The following NKAIN2 variants were observed in gnomAD, a reference collection of about 807,000 sequenced individuals.
The protein encoded by NKAIN2 is sodium/potassium-transporting ATPase subunit beta-1-interacting protein 2.
A neutral mutation model predicts 32.6 loss-of-function variants in NKAIN2; 14 were observed. The observed-to-expected ratio is 0.43, with a 90% confidence interval of 0.28 to 0.67. NKAIN2 has a LOEUF of 0.67. Ranked by LOEUF, NKAIN2 falls within the 30% of genes least tolerant of loss-of-function variation. The pLI is 0.17. For missense variants in NKAIN2, 198 were observed against 258.3 expected (o/e 0.77, Z 1.60); for synonymous variants, 80 against 87.2 (o/e 0.92, Z 0.46).
chr6:124,559,271 T>C lies in NKAIN2; in HGVS notation c.274-98915T>C, dbSNP rs147065825. ...ATATAAAATCCTGTGCAGAATAGAA[T>C]AGATAATGGCCAATATAATAAGTGA... On this transcript the variant is annotated intron_variant, in intron 3 of 6. Coordinates refer to ENST00000368417, the MANE Select transcript of NKAIN2 (RefSeq NM_001040214.3). Among the ~76,000 whole-genome samples, 94 of 152,208 alleles carry C rather than the reference T, an allele frequency of 6.2e-4. 1 individual carries two copies. Among genetic ancestry groups the C allele is most frequent in the African/African-American group, 2.2e-3 (92 of 41,538 alleles).
intron 1 of NKAIN2, among the ~76,000 whole-genome samples, chr6:124,135,109 A>G (rs1183842109): frequency 3.3e-5 from 5 of 152,184 alleles, no homozygotes; most frequent in Non-Finnish European, 7.4e-5. Context: ...CAGCCTAACA[A>G]GAAATGCCAA....
At chr6:124,721,680 C>T (rs1776027148) in intron 4 of NKAIN2, among the ~76,000 whole-genome samples, 1 of 152,056 alleles carries the variant, frequency 6.6e-6, no homozygotes. Context: ...CTTTGTCCAC[C>T]TTCAAACTGC....
intron 1 of NKAIN2, among the ~76,000 whole-genome samples, chr6:124,183,670 G>A (rs1182580897): frequency 1.3e-5 from 2 of 151,990 alleles, no homozygotes; most frequent in Non-Finnish European, 2.9e-5. Flanking sequence ...GTTTTCAAGG[G>A]TACATTTTAT....
chr6:124,209,646 A>G (rs802237), intron 1 of NKAIN2, among the ~76,000 whole-genome samples: 105,619 of 151,590 alleles, frequency 0.7, 37,029 homozygotes, highest in South Asian at 0.76. Context: ...GACAAAACCT[A>G]TTTTAACAAT....
At chr6:123,899,598 G>C (rs1301750439) in intron 1 of NKAIN2, among the ~76,000 whole-genome samples, 3 of 152,136 alleles carry the variant, frequency 2.0e-5, no homozygotes, top group Non-Finnish European at 4.4e-5. Flanking sequence ...ACTGGTAAAT[G>C]GAAGGAAAAA....
At chr6:124,349,322 G>A (rs1336487172) in intron 2 of NKAIN2, among the ~76,000 whole-genome samples, 2 of 152,038 alleles carry the variant, frequency 1.3e-5, no homozygotes, top group Non-Finnish European at 2.9e-5. Context: ...ACTTCCCGAG[G>A]CTCCACCCCA....
chr6:124,162,661 A>G (rs933335918), intron 1 of NKAIN2, among the ~76,000 whole-genome samples: 1 of 152,126 alleles, frequency 6.6e-6, no homozygotes, highest in Admixed American at 6.6e-5. Context: ...TCAAACTGCC[A>G]TAAGACAGGT....
At chr6:124,311,187 T>C (rs1562484449) in intron 2 of NKAIN2, among the ~76,000 whole-genome samples, 1 of 152,142 alleles carries the variant, frequency 6.6e-6, no homozygotes, top group Admixed American at 6.6e-5. Context: ...ACACTTCCAC[T>C]GTGACCCCCA....
Position 124,590,248 on chromosome 6 carries a change from G to A in NKAIN2, c.274-67938G>A, listed in dbSNP as rs73772163. 2.3e-3 allele frequency among the ~76,000 whole-genome samples: 350 copies of A among 152,306 alleles called. 1 individual carries two copies. Among genetic ancestry groups the A allele is most frequent in the African/African-American group, 8.0e-3 (332 of 41,568 alleles). ...GCAACAACTGCTACTGTGCTCAGAG[G>A]TGGTGCCTCACATCTAGTGTCAGGT... On this transcript the variant is annotated intron_variant, in intron 3 of 6. Coordinates refer to ENST00000368417, the MANE Select transcript of NKAIN2 (RefSeq NM_001040214.3).
chr6:124,685,786 A>G (rs1773844204), intron 4 of NKAIN2, among the ~76,000 whole-genome samples: 1 of 152,216 alleles, frequency 6.6e-6, no homozygotes, highest in South Asian at 2.1e-4. Flanking sequence ...TCACTAGGCT[A>G]GAAACTTCTT....
At chr6:124,055,674 T>C (rs1782609801) in intron 1 of NKAIN2, among the ~76,000 whole-genome samples, 1 of 152,024 alleles carries the variant, frequency 6.6e-6, no homozygotes, top group South Asian at 2.1e-4. Context: ...AGTTCATCAC[T>C]GTGACCTTCA....
At chr6:124,140,601 A>G (rs1195492511) in intron 1 of NKAIN2, among the ~76,000 whole-genome samples, 1 of 152,172 alleles carries the variant, frequency 6.6e-6, no homozygotes, top group Non-Finnish European at 1.5e-5. Flanking sequence ...ACTAGAGGGC[A>G]TGTAGGGCTA....
intron 1 of NKAIN2, among the ~76,000 whole-genome samples, chr6:124,219,811 C>T (rs1791713640): frequency 6.6e-6 from 1 of 151,918 alleles, no homozygotes; most frequent in South Asian, 2.1e-4. Context: ...TGGTTTATTC[C>T]TATATCCTTA....
At chr6:124,518,718 T>C (rs1779016012) in intron 3 of NKAIN2, among the ~76,000 whole-genome samples, 1 of 152,190 alleles carries the variant, frequency 6.6e-6, no homozygotes, top group African/African-American at 2.4e-5. Context: ...CCAAACTCTA[T>C]CAACAAGTTA....
intron 3 of NKAIN2, among the ~76,000 whole-genome samples, chr6:124,485,554 T>C (rs141262684): frequency 1.3e-5 from 2 of 152,136 alleles, no homozygotes; most frequent in Admixed American, 1.3e-4. Context: ...ATATAAAATA[T>C]AACATGCGTC....
chr6:124,289,157 A>T (rs1482599790), intron 2 of NKAIN2, among the ~76,000 whole-genome samples: 4 of 152,198 alleles, frequency 2.6e-5, no homozygotes, highest in African/African-American at 9.7e-5. Flanking sequence ...ATAAAAAAGT[A>T]AATATTTCTT....
intron 1 of NKAIN2, among the ~76,000 whole-genome samples, chr6:124,243,856 C>A (rs1793241855): frequency 6.6e-6 from 1 of 152,030 alleles, no homozygotes; most frequent in South Asian, 2.1e-4. Flanking sequence ...ATATTACAAT[C>A]ACATGTCAAA....
chr6:124,165,614 C>A (rs1323070424), intron 1 of NKAIN2, among the ~76,000 whole-genome samples: 2 of 150,500 alleles, frequency 1.3e-5, no homozygotes, highest in African/African-American at 2.5e-5. Flanking sequence ...GTGCTGCACC[C>A]ATTAACTCGT....
At position 124,709,016 on chromosome 6, in the gene NKAIN2, A is replaced by G. The variant is rs1269064472; in HGVS notation, c.474+50630A>G. 2.9e-5 allele frequency among the ~76,000 whole-genome samples: 4 copies of G among 136,266 alleles called. 1 individual carries two copies. The South Asian group carries it at 7.1e-4, about 24-fold the overall frequency. 89.4% of individuals were successfully genotyped at this position (136,266 alleles called of 152,430 possible). On this transcript the variant is annotated intron_variant, in intron 4 of 6. Coordinates refer to ENST00000368417, the MANE Select transcript of NKAIN2 (RefSeq NM_001040214.3). Reference sequence around the variant, plus strand: ...TTATGATTTTGAGATACGTCCCGTCAATACCTAATTTATTGAGAGTTTTTA... The same window carrying G: ...TTATGATTTTGAGATACGTCCCGTCGATACCTAATTTATTGAGAGTTTTTA...
Sources: allele counts gnomAD v4.1 joint callset (sites outside exome capture counted in the v4.1 genomes callset), GRCh38; gene constraint gnomAD v4.1.1; transcripts MANE v1.5; gene names NCBI Gene and HGNC (gene_info 2026-07-23, HGNC 2026-07-21).